Variants in TRABD2A observed in about 807,000 individuals in gnomAD.
The protein encoded by TRABD2A is TraB domain containing 2A.
TRABD2A carries 43 observed loss-of-function variants against 45.6 expected under a neutral mutation model. The ratio of observed to expected loss-of-function variants is 0.94; its 90% CI spans 0.74 to 1.22. The LOEUF (loss-of-function observed/expected upper bound fraction) is 1.22. Ranked by LOEUF, TRABD2A falls within the 50% of genes most tolerant of loss-of-function variation. TRABD2A has a pLI of 0.00. For synonymous variants in TRABD2A, 269 were observed against 265.0 expected (o/e 1.02, Z -0.15); for missense variants, 642 against 652.4 (o/e 0.98, Z 0.17).
At chr2:84,879,184 T>A (rs954229513) in intron 1 of TRABD2A, among the ~76,000 whole-genome samples, 1 of 83,718 alleles carries the variant, frequency 1.2e-5, no homozygotes, top group African/African-American at 7.0e-5. Context: ...TTTCAATACT[T>A]TTTTTTTTTT....
At chr2:84,872,793 G>A (rs1277913897) in intron 1 of TRABD2A, among the ~76,000 whole-genome samples, 1 of 152,116 alleles carries the variant, frequency 6.6e-6, no homozygotes, top group Non-Finnish European at 1.5e-5. Context: ...TCAATACATA[G>A]CCTTGTTTTA....
In TRABD2A at chr2:84,824,150, T is replaced by C. The variant is rs1389070217; in HGVS notation, c.1137A>G (p.Pro379=). Reference sequence around the variant, plus strand: ...CCGGTACTTCCAGGGTAGGGACTTTTGGAGCAAAGATGGTGGACAGAGTGG... The same window carrying C: ...CCGGTACTTCCAGGGTAGGGACTTTCGGAGCAAAGATGGTGGACAGAGTGG... The part of the protein sequence containing the change: ...TRPTLSTIFA[P]KVPTLEVPAP... Residue 379 remains proline (P), a synonymous_variant, in exon 6 of 7, where the codon CCA becomes CCG. Transcript: ENST00000409520. 1.2e-6 allele frequency: 2 copies of C among 1,613,960 alleles called. No homozygotes were observed. Among genetic ancestry groups the C allele is most frequent in the East Asian group, 2.2e-5 (1 of 44,878 alleles).
chr2:84,867,848 T>C (rs1424032372), intron 2 of TRABD2A, among the ~76,000 whole-genome samples: 1 of 152,218 alleles, frequency 6.6e-6, no homozygotes, highest in Non-Finnish European at 1.5e-5. Flanking sequence ...TCATCATCAC[T>C]GGCCATCAGA....
At chr2:84,837,513 A>C (rs114596244) in intron 4 of TRABD2A, 38,900 of 151,856 alleles carry the variant, frequency 0.26, 5,630 homozygotes, top group African/African-American at 0.42. Context: ...CCTCTCCCTT[A>C]GTCCCAGGTG....
At chr2:84,867,524 G>A (rs1682721088) in intron 2 of TRABD2A, among the ~76,000 whole-genome samples, 1 of 152,078 alleles carries the variant, frequency 6.6e-6, no homozygotes, top group South Asian at 2.1e-4. Context: ...CATAGGCATG[G>A]GCAAGGACTT....
intron 3 of TRABD2A, 135 bp downstream of exon 3, chr2:84,841,726 C>A: frequency 1.0e-6 from 1 of 993,380 alleles, no homozygotes; most frequent in Non-Finnish European, 1.4e-6. Flanking sequence ...TCAATGACAT[C>A]TAAATCTGCC....
At chr2:84,870,808 C>T (rs1682852696) in intron 1 of TRABD2A, 23 bp from the exon 2 acceptor site, 1 of 1,541,698 alleles carries the variant, frequency 6.5e-7, no homozygotes, top group South Asian at 1.2e-5. Flanking sequence ...GAGGTAACAT[C>T]AAGGTATAAT....
intron 4 of TRABD2A, chr2:84,838,282 A>G (rs1244490757): frequency 1.4e-6 from 1 of 717,008 alleles, no homozygotes; most frequent in East Asian, 2.7e-5. Context: ...TTAAAATGCC[A>G]CAAAGCCCAC....
chr2:84,826,329 A>G (rs1166004165), intron 5 of TRABD2A, among the ~76,000 whole-genome samples: 1 of 152,194 alleles, frequency 6.6e-6, no homozygotes, highest in African/African-American at 2.4e-5. Context: ...AGGGCTTAAG[A>G]GCCAAGTTAA....
At chr2:84,847,264 A>G (rs564443815) in intron 2 of TRABD2A, among the ~76,000 whole-genome samples, 4 of 152,324 alleles carry the variant, frequency 2.6e-5, no homozygotes, top group Admixed American at 2.0e-4. Flanking sequence ...GGCATCTCTG[A>G]AGGACCCCTC....
intron 2 of TRABD2A, among the ~76,000 whole-genome samples, chr2:84,864,003 T>C (rs915168304): frequency 2.7e-5 from 4 of 146,134 alleles, no homozygotes; most frequent in African/African-American, 1.1e-4. Flanking sequence ...ATGAGCATCA[T>C]AGTCAATTTT....
chr2:84,870,390 C>T lies in TRABD2A; in HGVS notation c.504G>A (p.Val168=), dbSNP rs1682832467. Residue 168 remains valine (V), a synonymous_variant, in exon 2 of 7, where the codon GTG becomes GTA. Transcript: ENST00000409520. ...CAGTCAGGGAGTTGACCATGAGCAT[C>T]ACCCAGACAGGCCTCTTGCGCTCCC... The part of the protein sequence containing the change: ...GNWERKRPVW[V]MLMVNSLTEV... 6.2e-7 allele frequency: 1 copy of T among 1,613,908 alleles called. No homozygotes were observed. Among genetic ancestry groups the T allele is most frequent in the African/African-American group, 1.3e-5 (1 of 74,922 alleles).
chr2:84,870,364 T>C lies in TRABD2A; in HGVS notation c.530A>G (p.Glu177Gly). Residue 177 changes from glutamate to glycine, a missense_variant, in exon 2 of 7, where the codon GAA becomes GGA. Coordinates refer to ENST00000409520, the MANE Select transcript of TRABD2A (RefSeq NM_001277053.2). Reference sequence around the variant, plus strand: ...CACTCCACGGGACTTAATGTCCACTTCAGTCAGGGAGTTGACCATGAGCAT... The same window carrying C: ...CACTCCACGGGACTTAATGTCCACTCCAGTCAGGGAGTTGACCATGAGCAT... ...WVMLMVNSLT[E>G]VDIKSRGVPV... is the part of the protein sequence containing the mutation. The C allele has an allele frequency of 6.2e-7, 1 of 1,614,030 alleles. No homozygotes were observed. Among genetic ancestry groups the C allele is most frequent in the South Asian group, 1.1e-5 (1 of 91,082 alleles).
At chr2:84,838,872 A>G (rs937181398) in intron 4 of TRABD2A, among the ~76,000 whole-genome samples, 26 of 152,204 alleles carry the variant, frequency 1.7e-4, no homozygotes, top group African/African-American at 5.8e-4. Context: ...TTAAGTATGA[A>G]ATTCAGAGGA....
At chr2:84,858,862 C>A (rs571864498) in intron 2 of TRABD2A, among the ~76,000 whole-genome samples, 1 of 152,278 alleles carries the variant, frequency 6.6e-6, no homozygotes, top group Admixed American at 6.5e-5. Context: ...GCACAGTGGT[C>A]CACACCTGTA....
chr2:84,871,623 A>T, intron 1 of TRABD2A, among the ~76,000 whole-genome samples: 1 of 152,040 alleles, frequency 6.6e-6, no homozygotes, highest in Admixed American at 6.5e-5. Flanking sequence ...AGTAGCTGGG[A>T]CTACTGGCAC....
intron 2 of TRABD2A, among the ~76,000 whole-genome samples, chr2:84,851,498 A>C (rs1344879247): frequency 6.6e-6 from 1 of 152,170 alleles, no homozygotes; most frequent in Non-Finnish European, 1.5e-5. Context: ...CCAACCATCC[A>C]AGCTCTTCTT....
intron 2 of TRABD2A, among the ~76,000 whole-genome samples, chr2:84,846,926 A>G (rs116031309): frequency 1.9e-3 from 294 of 152,350 alleles, no homozygotes; most frequent in African/African-American, 6.7e-3. Context: ...GGTCACTGCT[A>G]TCCAGCTGTC....
At chr2:84,878,276 C>G (rs1683090207) in intron 1 of TRABD2A, among the ~76,000 whole-genome samples, 1 of 152,246 alleles carries the variant, frequency 6.6e-6, no homozygotes, top group South Asian at 2.1e-4. Flanking sequence ...CCTATAATCC[C>G]AGCACTTTGG....
Sources: allele counts gnomAD v4.1 joint callset (sites outside exome capture counted in the v4.1 genomes callset), GRCh38; gene constraint gnomAD v4.1.1; transcripts MANE v1.5; gene names NCBI Gene and HGNC (gene_info 2026-07-23, HGNC 2026-07-21).